Variants in POPDC1 observed in about 807,000 individuals in gnomAD.
POPDC1 encodes popeye domain-containing protein 1.
At chr6:105,117,551 C>T in the POPDC1 span, among the ~76,000 whole-genome samples, 2 of 152,128 alleles carry the variant, frequency 1.3e-5, no homozygotes, top group Admixed American at 6.5e-5. Flanking sequence ...TATAACTGCA[C>T]GAAACAGAGC....
chr6:105,103,643 A>C, the POPDC1 span, among the ~76,000 whole-genome samples: 1 of 152,220 alleles, frequency 6.6e-6, no homozygotes, highest in Non-Finnish European at 1.5e-5. Context: ...TAGTATATAG[A>C]CATAATTGTG....
chr6:105,131,181 T>C, the POPDC1 span, among the ~76,000 whole-genome samples: 1 of 152,200 alleles, frequency 6.6e-6, no homozygotes, highest in Admixed American at 6.5e-5. Flanking sequence ...AGTTACTCAC[T>C]TGCAATTTTT....
chr6:105,099,464 C>T, the POPDC1 span: 1 of 152,172 alleles, frequency 6.6e-6, no homozygotes, highest in Non-Finnish European at 1.5e-5. Flanking sequence ...GAGACTGACT[C>T]AAAGTTGGTT....
the POPDC1 span, among the ~76,000 whole-genome samples, chr6:105,124,210 G>A: frequency 4.6e-5 from 7 of 151,968 alleles, no homozygotes; most frequent in South Asian, 4.2e-4. Flanking sequence ...GTGAAACCCC[G>A]TTGCTACTAA....
chr6:105,101,305 A>C, the POPDC1 span: 1 of 1,336,386 alleles, frequency 7.5e-7, no homozygotes, highest in South Asian at 1.8e-5. Context: ...ACTGGAAAAT[A>C]AAACTGTAGG....
the POPDC1 span, among the ~76,000 whole-genome samples, chr6:105,102,766 A>T: frequency 6.6e-6 from 1 of 152,160 alleles, no homozygotes; most frequent in Non-Finnish European, 1.5e-5. Flanking sequence ...TTTCTTATTA[A>T]CTGTACAGTC....
At chr6:105,110,624 C>A in the POPDC1 span, among the ~76,000 whole-genome samples, 1 of 152,150 alleles carries the variant, frequency 6.6e-6, no homozygotes, top group Non-Finnish European at 1.5e-5. Flanking sequence ...TCTTTTCAGA[C>A]TGCAAGCTAA....
the POPDC1 span, chr6:105,136,993 T>C: frequency 6.6e-6 from 1 of 152,050 alleles, no homozygotes; most frequent in Non-Finnish European, 1.5e-5. Flanking sequence ...GCGGGGAGCC[T>C]GGGCAGCGCC....
the POPDC1 span, chr6:105,097,104 CAG>C: frequency 1.6e-4 from 24 of 152,442 alleles, no homozygotes; most frequent in African/African-American, 5.5e-4. Flanking sequence ...TCACTATAGA[CAG>C]AGTATTCGGG....
At chr6:105,129,999 A>G in the POPDC1 span, among the ~76,000 whole-genome samples, 8 of 152,186 alleles carry the variant, frequency 5.3e-5, no homozygotes, top group Admixed American at 5.2e-4. Context: ...TTTTTTGTCC[A>G]GTGACCAAAA....
At chr6:105,121,127 G>T in the POPDC1 span, among the ~76,000 whole-genome samples, 2 of 152,078 alleles carry the variant, frequency 1.3e-5, no homozygotes, top group Non-Finnish European at 1.5e-5. Flanking sequence ...TTTGGGCTTT[G>T]CAACACCAGG....
chr6:105,110,687 C>CG, the POPDC1 span, among the ~76,000 whole-genome samples: 1 of 47,392 alleles, frequency 2.1e-5, no homozygotes, highest in African/African-American at 4.4e-5. Context: ...TCCACAACAG[C>CG]ATTTTTTTTT....
chr6:105,122,199 A>G, the POPDC1 span, among the ~76,000 whole-genome samples: 41 of 152,348 alleles, frequency 2.7e-4, no homozygotes, highest in African/African-American at 9.4e-4. Context: ...GGCTCCAGCT[A>G]TACAGGACAC....
the POPDC1 span, among the ~76,000 whole-genome samples, chr6:105,101,980 G>T: frequency 6.6e-6 from 1 of 152,152 alleles, no homozygotes; most frequent in African/African-American, 2.4e-5. Flanking sequence ...AAGAGTAGAA[G>T]TCATTATCAA....
chr6:105,131,762 A>G, the POPDC1 span, among the ~76,000 whole-genome samples: 3 of 151,964 alleles, frequency 2.0e-5, no homozygotes, highest in Admixed American at 6.6e-5. Flanking sequence ...AGATTTGATA[A>G]TATCTTTGGT....
chr6:105,106,764 T>C, the POPDC1 span, among the ~76,000 whole-genome samples: 1 of 150,090 alleles, frequency 6.7e-6, no homozygotes, highest in Non-Finnish European at 1.5e-5. Flanking sequence ...TCTTCCAGAG[T>C]CTTGAGTTAA....
the POPDC1 span, among the ~76,000 whole-genome samples, chr6:105,108,071 C>T: frequency 1.3e-5 from 2 of 152,300 alleles, no homozygotes; most frequent in African/African-American, 4.8e-5. Context: ...CCCAAGAGCA[C>T]GTTCTCAGAG....
At chr6:105,104,032 G>A in the POPDC1 span, among the ~76,000 whole-genome samples, 1 of 152,080 alleles carries the variant, frequency 6.6e-6, no homozygotes, top group African/African-American at 2.4e-5. Context: ...ACAATCCTTA[G>A]GGTGACATCC....
the POPDC1 span, among the ~76,000 whole-genome samples, chr6:105,122,845 T>C: frequency 6.6e-6 from 1 of 152,286 alleles, no homozygotes; most frequent in East Asian, 1.9e-4. Context: ...GACACAGCAT[T>C]AGCTGTCTCC....
Sources: allele counts gnomAD v4.1 joint callset (sites outside exome capture counted in the v4.1 genomes callset), GRCh38; gene constraint gnomAD v4.1.1; transcripts MANE v1.5; gene names NCBI Gene and HGNC (gene_info 2026-07-23, HGNC 2026-07-21).